Variants in KCNQ5 observed in about 807,000 individuals in gnomAD.
KCNQ5 encodes the protein potassium voltage-gated channel subfamily Q member 5.
KCNQ5 carries 30 observed loss-of-function variants against 98.2 expected under a neutral mutation model. The observed-to-expected ratio is 0.31, with a 90% CI of 0.23 to 0.41. The LOEUF is 0.41. Ranked by LOEUF, KCNQ5 falls within the 10% of genes least tolerant of loss-of-function variation. The pLI is 1.00. For synonymous variants in KCNQ5, 458 were observed against 449.4 expected (o/e 1.02, Z -0.24); for missense variants, 835 against 1,182.5 (o/e 0.71, Z 4.31).
chr6:72,803,138 G>T (rs1049995190), intron 1 of KCNQ5, among the ~76,000 whole-genome samples: 1 of 152,108 alleles, frequency 6.6e-6, no homozygotes, highest in Non-Finnish European at 1.5e-5. Flanking sequence ...ATCAATAATT[G>T]TCTTAGACAC....
chr6:72,893,311 T>C (rs1779125651), intron 1 of KCNQ5, among the ~76,000 whole-genome samples: 1 of 152,108 alleles, frequency 6.6e-6, no homozygotes, highest in African/African-American at 2.4e-5. Flanking sequence ...TAATTCTAGA[T>C]ATTTTTTTCT....
intron 1 of KCNQ5, among the ~76,000 whole-genome samples, chr6:72,853,563 C>T (rs1437071034): frequency 6.6e-6 from 1 of 152,132 alleles, no homozygotes; most frequent in Non-Finnish European, 1.5e-5. Context: ...AAAGTGGTCT[C>T]GAACTCCTGG....
At chr6:72,787,004 C>CAAAAAAAAA (rs1045803750) in intron 1 of KCNQ5, among the ~76,000 whole-genome samples, 3 of 50,460 alleles carry the variant, frequency 5.9e-5, no homozygotes, top group Non-Finnish European at 1.4e-4. Context: ...GACTCTGTCT[C>CAAAAAAAAA]AAAAAAAAAA....
chr6:73,073,771 A>G (rs1773400009), intron 3 of KCNQ5, among the ~76,000 whole-genome samples: 1 of 152,312 alleles, frequency 6.6e-6, no homozygotes, highest in South Asian at 2.1e-4. Flanking sequence ...TCTACCTTAC[A>G]CCAAAATGTG....
chr6:72,713,218 A>C (rs938322572), intron 1 of KCNQ5, among the ~76,000 whole-genome samples: 2 of 152,134 alleles, frequency 1.3e-5, no homozygotes, highest in Non-Finnish European at 2.9e-5. Context: ...CCCCAGCCCC[A>C]TTTCGGATGT....
chr6:72,823,670 G>T (rs1775859277), intron 1 of KCNQ5, among the ~76,000 whole-genome samples: 1 of 152,142 alleles, frequency 6.6e-6, no homozygotes. Flanking sequence ...GAGTCTTTCA[G>T]ATGCTTCACA....
intron 1 of KCNQ5, among the ~76,000 whole-genome samples, chr6:72,854,145 T>C (rs542299800): frequency 6.6e-6 from 1 of 152,298 alleles, no homozygotes; most frequent in Non-Finnish European, 1.5e-5. Context: ...GAGATTTAAA[T>C]GAGTTCTTCT....
chr6:72,655,050 TTCTTTCTTTCTTTC>T (rs1766097581), intron 1 of KCNQ5, among the ~76,000 whole-genome samples: 1 of 148,578 alleles, frequency 6.7e-6, no homozygotes, highest in African/African-American at 2.5e-5. Flanking sequence ...CTTTCTTTCT[TTCTTTCTTTCTTTC>T]TTTCTTTCTT....
intron 1 of KCNQ5, chr6:72,986,303 G>A (rs1209845848): frequency 2.3e-5 from 7 of 302,706 alleles, no homozygotes; most frequent in African/African-American, 1.5e-4. Flanking sequence ...TGAAATTGGG[G>A]TCACAGTGGA....
At chr6:72,987,311 C>G in intron 1 of KCNQ5, 1 of 702,120 alleles carries the variant, frequency 1.4e-6, no homozygotes, top group Non-Finnish European at 2.7e-6. Context: ...AGAAAGGCAA[C>G]ATGGACGAGG....
intron 1 of KCNQ5, among the ~76,000 whole-genome samples, chr6:72,842,785 T>C (rs1201129574): frequency 6.6e-6 from 1 of 152,236 alleles, no homozygotes; most frequent in Non-Finnish European, 1.5e-5. Flanking sequence ...AAATGTCTTC[T>C]TTTGAGAAGT....
chr6:72,816,446 A>T (rs1179386576), intron 1 of KCNQ5, among the ~76,000 whole-genome samples: 2 of 152,244 alleles, frequency 1.3e-5, no homozygotes, highest in African/African-American at 4.8e-5. Context: ...TAGTAAAATT[A>T]AAGTAACTTT....
At chr6:72,654,936 T>G (rs1414672413) in intron 1 of KCNQ5, among the ~76,000 whole-genome samples, 2 of 152,090 alleles carry the variant, frequency 1.3e-5, no homozygotes, top group Non-Finnish European at 2.9e-5. Context: ...TTCTGTAATT[T>G]TCTGCACAAC....
At chr6:72,965,748 A>G (rs1192898593) in intron 1 of KCNQ5, among the ~76,000 whole-genome samples, 2 of 152,212 alleles carry the variant, frequency 1.3e-5, no homozygotes, top group East Asian at 3.8e-4. Context: ...TTAGCATTTA[A>G]ATTTTTAGGA....
chr6:73,042,704 G>A (rs1027313789), intron 3 of KCNQ5, among the ~76,000 whole-genome samples: 1 of 152,074 alleles, frequency 6.6e-6, no homozygotes. Flanking sequence ...CACCTCCCTA[G>A]CTGCCATTGT....
intron 1 of KCNQ5, among the ~76,000 whole-genome samples, chr6:72,761,739 T>G (rs916254825): frequency 6.6e-6 from 1 of 152,120 alleles, no homozygotes; most frequent in Non-Finnish European, 1.5e-5. Context: ...CATATTTTTT[T>G]GCTTAGTATT....
chr6:72,905,325 AGT>A (rs1398851430), intron 1 of KCNQ5, among the ~76,000 whole-genome samples: 1 of 152,030 alleles, frequency 6.6e-6, no homozygotes, highest in African/African-American at 2.4e-5. Context: ...ACCTGTCTCT[AGT>A]GCCTGCCTGA....
In KCNQ5 at chr6:72,622,691, C is replaced by A; in HGVS notation, c.398+104C>A. 1 of 1,259,676 alleles carries A rather than the reference C, an allele frequency of 7.9e-7. No individual in the cohort carries two copies. The highest frequency in any genetic ancestry group is 1.1e-6 in the Non-Finnish European group (1 of 906,356). 78.0% of individuals were successfully genotyped at this position (1,259,676 alleles called of 1,614,324 possible). A position where few individuals can be genotyped will look rare whatever the true frequency, so the allele number is the denominator to read the frequency against. On this transcript the variant is annotated intron_variant, in intron 1 of 13. Transcript: ENST00000370398. The surrounding 1 kb of genome is among the most constrained non-coding windows in gnomAD (Gnocchi z 6.0). ...GCCCTTGGGCCCCCGCGCGCGTGCA[C>A]ACGTGGTGGCTTTTATTTCTTCGCA...
intron 5 of KCNQ5, among the ~76,000 whole-genome samples, chr6:73,095,199 T>C (rs1010912452): frequency 1.3e-5 from 2 of 152,226 alleles, no homozygotes; most frequent in Admixed American, 1.3e-4. Context: ...TTTCTTCTAC[T>C]TGTTCAATTC....
Sources: gnomAD v4.1 joint callset for allele counts (sites outside exome capture counted in the v4.1 genomes callset) on GRCh38, gnomAD v4.1.1 for gene constraint, Gnocchi (gnomAD v3.1) non-coding constraint, MANE v1.5 for transcripts, NCBI Gene and HGNC (gene_info 2026-07-23, HGNC 2026-07-21) for gene names.